PIGN: variants seen among roughly 807,000 people sequenced by gnomAD.
The protein encoded by PIGN is phosphatidylinositol glycan anchor biosynthesis class N.
In PIGN, 117 loss-of-function variants were observed where a neutral mutation model predicts 125.4. The observed-to-expected ratio is 0.93, with a 90% CI of 0.80 to 1.09. PIGN has a LOEUF of 1.09. Ranked by LOEUF, PIGN falls within the 50% of genes least tolerant of loss-of-function variation. The probability of loss-of-function intolerance (pLI) is 0.00; values close to 1 mark genes in which losing one functional copy is unlikely to be tolerated. For missense variants in PIGN, 1,075 were observed against 1,094.9 expected, an observed-to-expected ratio of 0.98 and a Z score of 0.26; for synonymous variants, 392 against 377.8, an observed-to-expected ratio of 1.04 and a Z score of -0.44.
intron 1 of PIGN, among the ~76,000 whole-genome samples, chr18:62,166,691 G>A (rs2037146551): frequency 6.6e-6 from 1 of 152,046 alleles, no homozygotes; most frequent in Non-Finnish European, 1.5e-5. Context: ...AAGAAAATGT[G>A]GCATATATAC....
In PIGN at chr18:62,154,589, G is replaced by T; in HGVS notation, c.505C>A (p.Gln169Lys). 2 of 1,594,884 alleles carry T rather than the reference G, an allele frequency of 1.3e-6. No individual in the cohort carries two copies. The highest frequency in any genetic ancestry group is 8.6e-7 in the Non-Finnish European group (1 of 1,163,634). ...YDAKREDFGA[Q>K]DATKLDTWVF... ...CACGTATCCAGTTTTGTTGCATCTTGAGCACCAAAATCCTCTCTTTTAGCA... is the reference window on the plus strand; with the variant it reads ...CACGTATCCAGTTTTGTTGCATCTTTAGCACCAAAATCCTCTCTTTTAGCA... Residue 169 changes from glutamine (Q) to lysine (K), a missense_variant, in exon 7 of 31, where the codon CAA becomes AAA. This residue lies in a region of PIGN where 915 missense variants were observed against 908.7 expected (regional missense o/e 1.01). Coordinates refer to ENST00000640252, the MANE Select transcript of PIGN (RefSeq NM_176787.5).
intron 14 of PIGN, chr18:62,138,002 T>C (rs2035997078): frequency 4.3e-6 from 2 of 469,866 alleles, no homozygotes; most frequent in Non-Finnish European, 7.4e-6. Flanking sequence ...GGAGTTCACC[T>C]GCTTAATATT....
intron 14 of PIGN, among the ~76,000 whole-genome samples, chr18:62,127,374 G>A (rs2035571368): frequency 6.6e-6 from 1 of 152,128 alleles, no homozygotes; most frequent in Non-Finnish European, 1.5e-5. Flanking sequence ...ATACTAAAGT[G>A]CTGAATATCT....
intron 1 of PIGN, among the ~76,000 whole-genome samples, 185 bp downstream of exon 1, chr18:62,186,659 G>A (rs1599724586): frequency 1.3e-5 from 2 of 152,324 alleles, no homozygotes; most frequent in Admixed American, 1.3e-4. Flanking sequence ...TGGCAGAGAA[G>A]GGAAAAGAAA....
At position 62,105,591 on chromosome 18, in the gene PIGN, A is replaced by G; in HGVS notation, c.1811T>C (p.Val604Ala). 6.4e-7 allele frequency: 1 copy of G among 1,556,212 alleles called. No homozygotes were observed. Among genetic ancestry groups the G allele is most frequent in the Non-Finnish European group, 8.7e-7 (1 of 1,149,350 alleles). The change falls in exon 20 of 31, where the codon GTG becomes GCG. Residue 604 changes from valine to alanine, a missense_variant. Transcript: ENST00000640252. ...SWTFFSLLLA[V>A]FPLMPVVGRK... ...ACCTACAACCGGCATCAGTGGGAAC[A>G]CTGCCAGGAGCAAAGAGAAGAAAGT... is the stretch of plus-strand genomic sequence containing the variant.
At chr18:62,040,059 C>T (rs1270857667), downstream of PIGN, among the ~76,000 whole-genome samples, 2 of 116,172 alleles carry the variant, frequency 1.7e-5, no homozygotes, top group African/African-American at 3.3e-5. Context: ...TGCCGCACCC[C>T]ATGTTTAGGG....
intron 1 of PIGN, chr18:62,186,194 G>T (rs939086767): frequency 7.9e-5 from 12 of 152,272 alleles, no homozygotes; most frequent in African/African-American, 1.9e-4. Flanking sequence ...GGGATTGCAG[G>T]CTTGCGCCAC....
intron 9 of PIGN, among the ~76,000 whole-genome samples, chr18:62,146,385 T>C (rs959846741): frequency 1.3e-5 from 2 of 152,194 alleles, no homozygotes; most frequent in South Asian, 2.1e-4. Context: ...CCACCCAAGC[T>C]TGGGGCAAGC....
chr18:62,110,210 A>C, intron 16 of PIGN: 2 of 394,604 alleles, frequency 5.1e-6, no homozygotes, highest in East Asian at 4.3e-5. Context: ...CTCAACTTAA[A>C]AGTGACTATG....
chr18:62,169,190 T>C (rs555171764), intron 1 of PIGN, among the ~76,000 whole-genome samples: 2 of 152,336 alleles, frequency 1.3e-5, no homozygotes, highest in East Asian at 3.9e-4. Flanking sequence ...GTTTGCATTT[T>C]TGAATTTTAT....
chr18:62,087,505 T>A (rs665214), intron 25 of PIGN, among the ~76,000 whole-genome samples: 36,788 of 152,072 alleles, frequency 0.24, 4,602 homozygotes, highest in Non-Finnish European at 0.27. Flanking sequence ...AACTATAAAT[T>A]TTTCTTTCAA....
chr18:62,041,749 G>A lies in PIGN; in HGVS notation c.*4107C>T, dbSNP rs1315893146. ...TTGCCATCTTGGCCAGACTGGTCTC[G>A]AACTCCTGACCTCAAGTGATCCACC... On this transcript the variant is annotated 3_prime_UTR_variant, in exon 31 of 31. Transcript: ENST00000640252. The A allele has an allele frequency of 7.0e-6, 1 of 143,458 alleles. No individual in the cohort carries two copies. The highest frequency in any genetic ancestry group is 2.6e-5 in the African/African-American group (1 of 38,824). 8.9% of individuals were successfully genotyped at this position (143,458 alleles called of 1,614,324 possible).
chr18:62,034,448 G>T (rs2030231943), intron 23 of PIGN, among the ~76,000 whole-genome samples: 1 of 152,124 alleles, frequency 6.6e-6, no homozygotes, highest in Non-Finnish European at 1.5e-5. Flanking sequence ...CTTGCACCGT[G>T]CACCTGAAAA....
chr18:62,048,393 T>C (rs936191050), intron 30 of PIGN, among the ~76,000 whole-genome samples: 2 of 152,040 alleles, frequency 1.3e-5, no homozygotes, highest in African/African-American at 2.4e-5. Context: ...CAAAGACACA[T>C]CAAATTACTA....
intron 1 of PIGN, among the ~76,000 whole-genome samples, chr18:62,171,930 TTCTTA>T (rs2037358097): frequency 6.6e-6 from 1 of 152,166 alleles, no homozygotes; most frequent in Non-Finnish European, 1.5e-5. Flanking sequence ...TAATTTTCTT[TTCTTA>T]TATCTTTCTG....
intron 30 of PIGN, among the ~76,000 whole-genome samples, chr18:62,046,258 C>A (rs1176633314): frequency 6.6e-6 from 1 of 151,992 alleles, no homozygotes; most frequent in Non-Finnish European, 1.5e-5. Flanking sequence ...GCCGTATTTG[C>A]ATATAAGCTA....
chr18:62,049,877 T>A (rs2031119615), intron 30 of PIGN, among the ~76,000 whole-genome samples: 1 of 149,206 alleles, frequency 6.7e-6, no homozygotes, highest in South Asian at 2.1e-4. Context: ...GATTTTTGTA[T>A]AAGGTGTAAG....
chr18:62,124,529 C>T (rs753750113), intron 14 of PIGN, among the ~76,000 whole-genome samples: 1 of 152,064 alleles, frequency 6.6e-6, no homozygotes, highest in Non-Finnish European at 1.5e-5. Context: ...AACCTGCTTC[C>T]CACAACTCAC....
rs1196298643 is a variant in PIGN, at chr18:62,045,237, A to C, written c.*619T>G. ...AGAAATGAAAAAAAAAAAGTGAAGG[A>C]TAGACATGCATCACATGCATCTAGC... On this transcript the variant is annotated 3_prime_UTR_variant, in exon 31 of 31. Transcript: ENST00000640252. The C allele has an allele frequency of 2.0e-5, 3 of 152,144 alleles. No homozygotes were observed. Among genetic ancestry groups the C allele is most frequent in the Non-Finnish European group, 4.4e-5 (3 of 68,032 alleles). 9.4% of individuals were successfully genotyped at this position (152,144 alleles called of 1,614,324 possible). A position where few individuals can be genotyped will look rare whatever the true frequency, so the allele number is the denominator to read the frequency against.
Sources: gnomAD v4.1 joint callset for allele counts (sites outside exome capture counted in the v4.1 genomes callset) on GRCh38, gnomAD v4.1.1 for gene constraint, gnomAD v4.1.1 regional missense constraint, MANE v1.5 for transcripts, NCBI Gene and HGNC (gene_info 2026-07-23, HGNC 2026-07-21) for gene names.